The following SLC13A1 variants were observed in gnomAD, a reference collection of about 807,000 sequenced individuals.
SLC13A1 encodes the protein Na(+)/sulfate cotransporter.
A neutral mutation model predicts 70.0 loss-of-function variants in SLC13A1; 65 were observed. The observed-to-expected ratio is 0.93, with a 90% CI of 0.76 to 1.14. The LOEUF (loss-of-function observed/expected upper bound fraction) is 1.14, where lower values mean the gene tolerates loss of function less well. Ranked by LOEUF, SLC13A1 falls within the 50% of genes most tolerant of loss-of-function variation. The pLI is 0.00. For synonymous variants in SLC13A1, 275 were observed against 250.5 expected, an observed-to-expected ratio of 1.10 and a Z score of -0.92; for missense variants, 726 against 717.8, an observed-to-expected ratio of 1.01 and a Z score of -0.13.
intron 8 of SLC13A1, among the ~76,000 whole-genome samples, chr7:123,131,076 A>G (rs191778908): frequency 5.0e-4 from 76 of 152,320 alleles, no homozygotes; most frequent in African/African-American, 1.7e-3. Flanking sequence ...TATAGACAGA[A>G]AGGACATTTT....
Position 123,147,322 on chromosome 7 carries a change from C to T in SLC13A1, c.661-12G>A. 6.2e-7 allele frequency: 1 copy of T among 1,611,080 alleles called. No homozygotes were observed. Among genetic ancestry groups the T allele is most frequent in the Non-Finnish European group, 8.5e-7 (1 of 1,178,882 alleles). The stretch of plus-strand genomic sequence containing the variant: ...CTCATGCCTGAGTTCTGTTCAACAA[C>T]AACAAAAAACTACCATGAGAACTGC... On this transcript the variant is annotated splice_polypyrimidine_tract_variant and intron_variant, in intron 6 of 14. Coordinates refer to ENST00000194130, the MANE Select transcript of SLC13A1 (RefSeq NM_022444.4).
intron 6 of SLC13A1, among the ~76,000 whole-genome samples, chr7:123,154,010 G>A (rs1268500341): frequency 6.6e-6 from 1 of 151,824 alleles, no homozygotes; most frequent in Non-Finnish European, 1.5e-5. Context: ...AACATATAAA[G>A]GAATTATAGA....
intron 7 of SLC13A1, among the ~76,000 whole-genome samples, chr7:123,144,582 C>T (rs184985002): frequency 1.0e-3 from 154 of 152,194 alleles, no homozygotes; most frequent in African/African-American, 3.6e-3. Context: ...CCATTACATC[C>T]TCAATTTTAG....
chr7:123,182,611 A>T, intron 1 of SLC13A1, among the ~76,000 whole-genome samples: 1 of 152,110 alleles, frequency 6.6e-6, no homozygotes, highest in East Asian at 1.9e-4. Context: ...CCAATCTATG[A>T]GGGTCTGCTA....
Position 123,147,325 on chromosome 7 carries a change from C to CA in SLC13A1, c.661-16dup. 6.2e-7 allele frequency: 1 copy of CA among 1,610,806 alleles called. No homozygotes were observed. The highest frequency in any genetic ancestry group is 8.5e-7 in the Non-Finnish European group (1 of 1,178,750). On this transcript the variant is annotated splice_polypyrimidine_tract_variant and intron_variant, in intron 6 of 14. Coordinates refer to ENST00000194130, the MANE Select transcript of SLC13A1 (RefSeq NM_022444.4). ...ATGCCTGAGTTCTGTTCAACAACAA[C>CA]AAAAAACTACCATGAGAACTGCTCT...
At chr7:123,123,996 C>T (rs1315046661) in intron 11 of SLC13A1, among the ~76,000 whole-genome samples, 1 of 152,144 alleles carries the variant, frequency 6.6e-6, no homozygotes, top group African/African-American at 2.4e-5. Flanking sequence ...CCAAACCCAT[C>T]CTCACTGATA....
intron 6 of SLC13A1, among the ~76,000 whole-genome samples, chr7:123,162,319 C>T (rs1794942886): frequency 6.6e-6 from 1 of 152,018 alleles, no homozygotes; most frequent in Non-Finnish European, 1.5e-5. Context: ...TTTTGTGAGA[C>T]CACAACTAAG....
intron 7 of SLC13A1, among the ~76,000 whole-genome samples, chr7:123,134,991 T>A (rs1461853496): frequency 6.6e-6 from 1 of 152,144 alleles, no homozygotes; most frequent in Non-Finnish European, 1.5e-5. Flanking sequence ...GTGGCTGGAA[T>A]TCTTGGCCAT....
intron 2 of SLC13A1, among the ~76,000 whole-genome samples, chr7:123,172,649 C>A (rs1213128299): frequency 6.6e-6 from 1 of 152,068 alleles, no homozygotes; most frequent in African/African-American, 2.4e-5. Flanking sequence ...AATTGTAAAA[C>A]AAATACCCTC....
chr7:123,134,284 T>C, intron 8 of SLC13A1, 126 bp downstream of exon 8: 1 of 770,938 alleles, frequency 1.3e-6, no homozygotes, highest in Non-Finnish European at 2.1e-6. Flanking sequence ...GTGTATTAAT[T>C]TTGTGAGCAA....
chr7:123,186,101 C>A (rs1227542906), intron 1 of SLC13A1, among the ~76,000 whole-genome samples: 1 of 151,876 alleles, frequency 6.6e-6, no homozygotes, highest in East Asian at 1.9e-4. Context: ...AACACAACAC[C>A]AAGTATTTTC....
At chr7:123,166,412 A>G (rs1795077248) in intron 6 of SLC13A1, among the ~76,000 whole-genome samples, 1 of 151,720 alleles carries the variant, frequency 6.6e-6, no homozygotes, top group Admixed American at 6.6e-5. Flanking sequence ...TTTTTATTAT[A>G]CTTTAAGTTT....
At chr7:123,138,431 C>A (rs1185259652) in intron 7 of SLC13A1, among the ~76,000 whole-genome samples, 1 of 152,070 alleles carries the variant, frequency 6.6e-6, no homozygotes, top group African/African-American at 2.4e-5. Context: ...TGGGTATATA[C>A]CCTGCAGTGG....
chr7:123,156,746 T>G (rs1454202344), intron 6 of SLC13A1, among the ~76,000 whole-genome samples: 1 of 152,132 alleles, frequency 6.6e-6, no homozygotes, highest in African/African-American at 2.4e-5. Flanking sequence ...TTTCCCATCC[T>G]TTTTCTTCTC....
At chr7:123,199,800 A>G (rs1040350473) in intron 1 of SLC13A1, 48 bp downstream of exon 1, 2 of 1,395,160 alleles carry the variant, frequency 1.4e-6, no homozygotes, top group African/African-American at 1.4e-5. Flanking sequence ...ATAAAGGACA[A>G]TTAAATAAGT....
chr7:123,119,829 A>T (rs760581358), intron 12 of SLC13A1, among the ~76,000 whole-genome samples: 2 of 151,910 alleles, frequency 1.3e-5, no homozygotes, highest in Non-Finnish European at 2.9e-5. Flanking sequence ...ATATATTAAC[A>T]TTTTTGTTTA....
chr7:123,180,871 C>G, intron 2 of SLC13A1, 102 bp downstream of exon 2: 1 of 1,287,102 alleles, frequency 7.8e-7, no homozygotes, highest in Non-Finnish European at 1.1e-6. Context: ...TTATGTGGAA[C>G]CTTACCAACG....
At chr7:123,128,732 A>T in intron 10 of SLC13A1, 113 bp downstream of exon 10, 1 of 688,338 alleles carries the variant, frequency 1.5e-6, no homozygotes. Context: ...ATATCTTTTC[A>T]AGGGAAAGAA....
In SLC13A1 at chr7:123,129,363, T is replaced by A. The variant is rs762471459; in HGVS notation, c.1031+20A>T. On this transcript the variant is annotated intron_variant, in intron 9 of 14. Transcript: ENST00000194130. ...GTGTGTGTGTGTGTGTGTGTGTGTG[T>A]GTGTGTGTGTTTGTCTTACCTTATT... 1.5e-5 allele frequency: 18 copies of A among 1,218,316 alleles called. No individual in the cohort carries two copies. The South Asian group carries it at 2.3e-4, about 16-fold the overall frequency. 75.5% of individuals were successfully genotyped at this position (1,218,316 alleles called of 1,614,324 possible).
Sources: allele counts gnomAD v4.1 joint callset (sites outside exome capture counted in the v4.1 genomes callset), GRCh38; gene constraint gnomAD v4.1.1; transcripts MANE v1.5; gene names NCBI Gene and HGNC (gene_info 2026-07-23, HGNC 2026-07-21).